Variants in ATP8B4 observed in about 807,000 individuals in gnomAD.
The protein encoded by ATP8B4 is probable phospholipid-transporting ATPase IM.
Under a neutral mutation model 145.6 loss-of-function variants are expected in ATP8B4, and 133 were observed. The ratio of observed to expected loss-of-function variants is 0.91; its 90% CI spans 0.79 to 1.05. ATP8B4 has a LOEUF of 1.05. ATP8B4 is among the 50% of genes least tolerant of loss of function. The pLI is 0.00. For missense variants in ATP8B4, 1,458 were observed against 1,425.2 expected (o/e 1.02, Z -0.37); for synonymous variants, 507 against 492.9 (o/e 1.03, Z -0.38).
At chr15:50,141,510 T>C (rs1429092665) in intron 1 of ATP8B4, among the ~76,000 whole-genome samples, 1 of 152,060 alleles carries the variant, frequency 6.6e-6, no homozygotes, top group East Asian at 1.9e-4. Context: ...TTATTGAGCG[T>C]CTCTTAAGTA....
chr15:50,040,178 C>T (rs1567244886), intron 5 of ATP8B4, among the ~76,000 whole-genome samples: 1 of 152,178 alleles, frequency 6.6e-6, no homozygotes, highest in Non-Finnish European at 1.5e-5. Context: ...TAAGATTTGG[C>T]CAACAGATAG....
intron 23 of ATP8B4, among the ~76,000 whole-genome samples, chr15:49,889,369 C>T (rs2036553682): frequency 6.6e-6 from 1 of 152,188 alleles, no homozygotes; most frequent in Non-Finnish European, 1.5e-5. Flanking sequence ...ACTTTTTGTT[C>T]TTTGTTCCCG....
At chr15:50,179,627 T>C (rs890525269) in intron 1 of ATP8B4, among the ~76,000 whole-genome samples, 15 of 149,832 alleles carry the variant, frequency 1.0e-4, no homozygotes, top group Admixed American at 2.0e-4. Context: ...AGGTAGAGCC[T>C]TTGGGGAGTA....
intron 16 of ATP8B4, among the ~76,000 whole-genome samples, chr15:49,928,547 C>T (rs1359914240): frequency 6.6e-6 from 1 of 151,956 alleles, no homozygotes; most frequent in Non-Finnish European, 1.5e-5. Flanking sequence ...GCCACCTATG[C>T]TTTTTAAGTA....
At chr15:50,159,192 T>C (rs1416890446) in intron 1 of ATP8B4, among the ~76,000 whole-genome samples, 3 of 152,272 alleles carry the variant, frequency 2.0e-5, no homozygotes, top group African/African-American at 4.8e-5. Context: ...CAATGTTTTA[T>C]AGTTTTCATT....
chr15:49,972,523 G>T, intron 13 of ATP8B4, 59 bp downstream of exon 13: 1 of 1,525,538 alleles, frequency 6.6e-7, no homozygotes, highest in Non-Finnish European at 8.9e-7. Flanking sequence ...TTTTAATGGG[G>T]TCAGTTATTC....
intron 14 of ATP8B4, among the ~76,000 whole-genome samples, chr15:49,952,866 C>T (rs1385070445): frequency 1.3e-5 from 2 of 151,888 alleles, no homozygotes; most frequent in Non-Finnish European, 2.9e-5. Flanking sequence ...AGGCTGCTGA[C>T]CCTTGGATGG....
At chr15:50,081,070 G>A (rs1410226403) in intron 2 of ATP8B4, among the ~76,000 whole-genome samples, 1 of 148,388 alleles carries the variant, frequency 6.7e-6, no homozygotes, top group Admixed American at 6.8e-5. Context: ...CCGAGATCAC[G>A]CCACTGCACT....
At chr15:50,000,770 C>A (rs948658532) in intron 8 of ATP8B4, among the ~76,000 whole-genome samples, 3 of 152,116 alleles carry the variant, frequency 2.0e-5, no homozygotes, top group Non-Finnish European at 4.4e-5. Flanking sequence ...GTCTAAGAAT[C>A]TGACCAGACA....
intron 3 of ATP8B4, among the ~76,000 whole-genome samples, chr15:50,062,175 T>C (rs1456099184): frequency 1.3e-5 from 2 of 152,178 alleles, no homozygotes; most frequent in Non-Finnish European, 2.9e-5. Context: ...ATCTCCAGTG[T>C]TGGAGGTGGG....
intron 3 of ATP8B4, among the ~76,000 whole-genome samples, chr15:50,070,721 TTTTTGTGTTGTG>T: frequency 6.6e-6 from 1 of 152,120 alleles, no homozygotes; most frequent in African/African-American, 2.4e-5. Context: ...TTATCTTGGT[TTTTTGTGTTGTG>T]TTTTGTTTTG....
At chr15:49,901,267 A>G (rs746283901) in intron 20 of ATP8B4, 28 bp from the exon 21 acceptor site, 1 of 1,607,140 alleles carries the variant, frequency 6.2e-7, no homozygotes, top group East Asian at 2.2e-5. Context: ...AAAGTGAAAC[A>G]TAACAAAGCA....
At chr15:49,994,799 T>A (rs1423390369) in intron 9 of ATP8B4, among the ~76,000 whole-genome samples, 1 of 152,112 alleles carries the variant, frequency 6.6e-6, no homozygotes, top group African/African-American at 2.4e-5. Context: ...TTGAAGGGTG[T>A]GGTAGAGACA....
chr15:50,012,765 AGATATTGGTAAACCAT>A (rs2153572755), intron 6 of ATP8B4, among the ~76,000 whole-genome samples: 1 of 152,328 alleles, frequency 6.6e-6, no homozygotes, highest in South Asian at 2.1e-4. Flanking sequence ...AAGAGCCTGG[AGATATTGGTAAACCAT>A]AGTCTGTGTG....
chr15:50,084,334 G>A (rs1308227024), intron 2 of ATP8B4, among the ~76,000 whole-genome samples: 1 of 152,124 alleles, frequency 6.6e-6, no homozygotes, highest in Non-Finnish European at 1.5e-5. Context: ...CAGGTAATAA[G>A]GCTTTAAAAA....
At chr15:50,104,889 C>CACACA (rs1555490792) in intron 2 of ATP8B4, among the ~76,000 whole-genome samples, 1 of 10,222 alleles carries the variant, frequency 9.8e-5, no homozygotes, top group African/African-American at 2.3e-4. Context: ...ACACACACAC[C>CACACA]CATATATACA....
At chr15:50,141,453 C>T (rs945400846) in intron 1 of ATP8B4, among the ~76,000 whole-genome samples, 1 of 152,062 alleles carries the variant, frequency 6.6e-6, no homozygotes, top group African/African-American at 2.4e-5. Flanking sequence ...CACAGGCAAT[C>T]AGGGCAGGGT....
chr15:50,176,288 A>C (rs2044762012), intron 1 of ATP8B4, among the ~76,000 whole-genome samples: 1 of 152,178 alleles, frequency 6.6e-6, no homozygotes. Context: ...CAAACATCGT[A>C]TGTTCTCACT....
chr15:49,952,419 G>T (rs544804940), intron 14 of ATP8B4, among the ~76,000 whole-genome samples: 1 of 151,446 alleles, frequency 6.6e-6, no homozygotes, highest in African/African-American at 2.4e-5. Context: ...CTCTATTCTT[G>T]TCTGCTTGTC....
Sources: gnomAD v4.1 joint callset for allele counts (sites outside exome capture counted in the v4.1 genomes callset) on GRCh38, gnomAD v4.1.1 for gene constraint, MANE v1.5 for transcripts, NCBI Gene and HGNC (gene_info 2026-07-23, HGNC 2026-07-21) for gene names.